ZFHX4: variants seen among roughly 807,000 people sequenced by gnomAD.
The protein encoded by ZFHX4 is zinc finger homeobox protein 4.
Under a neutral mutation model 267.6 loss-of-function variants are expected in ZFHX4, and 56 were observed. That is an observed-to-expected ratio of 0.21 (90% CI 0.17 to 0.26). The LOEUF (loss-of-function observed/expected upper bound fraction) is 0.26. ZFHX4 is among the 10% of genes least tolerant of loss of function. The pLI, the probability that ZFHX4 is intolerant of heterozygous loss-of-function variation, is 1.00. For missense variants in ZFHX4, 4,332 were observed against 4,420.0 expected, an observed-to-expected ratio of 0.98 and a Z score of 0.56; for synonymous variants, 1,778 against 1,665.6, an observed-to-expected ratio of 1.07 and a Z score of -1.64.
chr8:76,718,199 G>C (rs1808628774), intron 3 of ZFHX4, among the ~76,000 whole-genome samples: 1 of 152,142 alleles, frequency 6.6e-6, no homozygotes, highest in Non-Finnish European at 1.5e-5. Context: ...AAACCAAATA[G>C]TGTTTTTTTG....
intron 4 of ZFHX4, among the ~76,000 whole-genome samples, chr8:76,812,197 T>A (rs1811395367): frequency 1.3e-5 from 2 of 152,224 alleles, no homozygotes; most frequent in Non-Finnish European, 2.9e-5. Context: ...GGTATAAAAC[T>A]TTTCGTTGAT....
At position 76,704,896 on chromosome 8, in the gene ZFHX4, A is replaced by T; in HGVS notation, c.808A>T (p.Ser270Cys). The change falls in exon 2 of 11, where the codon AGC (serine) becomes TGC (cysteine). Residue 270 changes from serine to cysteine, a missense_variant. This residue lies in a region of ZFHX4 where 1,195 missense variants were observed against 1,173.6 expected (regional missense o/e 1.02). Transcript: ENST00000651372. ...CTTGTCCAAATTCGATGGTTGTGTT[A>T]GCGATGGGAAAAGGAAACCTGTTTT... Reference protein sequence around the residue: ...VDLSKFDGCVSDGKRKPVLMC... With the variant: ...VDLSKFDGCVCDGKRKPVLMC... 1 of 1,614,204 alleles carries T rather than the reference A, an allele frequency of 6.2e-7. No homozygotes were observed. Among genetic ancestry groups the T allele is most frequent in the Non-Finnish European group, 8.5e-7 (1 of 1,180,016 alleles).
rs528973907 is a variant in ZFHX4, at chr8:76,696,625, C to T, written c.-46-7418C>T. On this transcript the variant is annotated intron_variant, in intron 1 of 10. Coordinates refer to ENST00000651372, the MANE Select transcript of ZFHX4 (RefSeq NM_024721.5). ...CACTGATGGGCAGCAGTCAAATTTA[C>T]TTTCAGGCCAAAAAAAAAAAAAAAA... Among the ~76,000 whole-genome samples the T allele has an allele frequency of 2.3e-5, 3 of 133,272 alleles. No individual in the cohort carries two copies. In the East Asian group the frequency reaches 6.7e-4, roughly 30 times the overall value. The allele number at this position is 133,272 out of a possible 152,430, so 87.4% of individuals were successfully genotyped here. A position where few individuals can be genotyped will look rare whatever the true frequency, so the allele number is the denominator to read the frequency against.
intron 5 of ZFHX4, among the ~76,000 whole-genome samples, chr8:76,839,770 A>G (rs1182543881): frequency 6.6e-6 from 1 of 152,102 alleles, no homozygotes; most frequent in Non-Finnish European, 1.5e-5. Flanking sequence ...ATTTAGTTTT[A>G]TATATATATT....
intron 5 of ZFHX4, among the ~76,000 whole-genome samples, chr8:76,833,935 T>C (rs966616724): frequency 6.6e-6 from 1 of 152,180 alleles, no homozygotes. Flanking sequence ...CTTTATGGTC[T>C]CTATAGTTTG....
At chr8:76,754,377 T>C (rs1228841678) in intron 3 of ZFHX4, among the ~76,000 whole-genome samples, 3 of 151,960 alleles carry the variant, frequency 2.0e-5, no homozygotes, top group African/African-American at 4.8e-5. Context: ...TAATCCCAGA[T>C]ACGCGGGAGG....
intron 3 of ZFHX4, among the ~76,000 whole-genome samples, chr8:76,721,281 T>A (rs1416535826): frequency 6.6e-6 from 1 of 152,206 alleles, no homozygotes; most frequent in Non-Finnish European, 1.5e-5. Context: ...TTGAAAAACA[T>A]CTACAAACTG....
intron 1 of ZFHX4, among the ~76,000 whole-genome samples, chr8:76,702,628 A>T (rs759547676): frequency 6.6e-6 from 1 of 152,222 alleles, no homozygotes; most frequent in East Asian, 1.9e-4. Context: ...GTACATATTT[A>T]TCATAACCAA....
At position 76,704,207 on chromosome 8, in the gene ZFHX4, C is replaced by T. The variant is rs763780673; in HGVS notation, c.119C>T (p.Pro40Leu). Residue 40 changes from proline to leucine, a missense_variant, in exon 2 of 11, where the codon CCT (proline) becomes CTT (leucine). Physicochemically the swap from Pro to Leu is moderately conservative, Grantham distance 98. Coordinates refer to ENST00000651372, the MANE Select transcript of ZFHX4 (RefSeq NM_024721.5). ...EVPEKVAGME[P>L]DRENSSTDDN... ...CCAGAGAAAGTTGCAGGGATGGAGCCTGACAGGGAAAACAGCTCCACAGAT... is the reference window on the plus strand; with the variant it reads ...CCAGAGAAAGTTGCAGGGATGGAGCTTGACAGGGAAAACAGCTCCACAGAT... 6.2e-7 allele frequency: 1 copy of T among 1,613,934 alleles called. No individual in the cohort carries two copies. The highest frequency in any genetic ancestry group is 1.1e-5 in the South Asian group (1 of 91,074).
chr8:76,691,016 T>C (rs940243762), intron 1 of ZFHX4, among the ~76,000 whole-genome samples: 4 of 152,092 alleles, frequency 2.6e-5, no homozygotes, highest in Non-Finnish European at 4.4e-5. Flanking sequence ...TATCTTTGAT[T>C]ACCCAGCAAG....
intron 3 of ZFHX4, among the ~76,000 whole-genome samples, chr8:76,762,152 A>G (rs1050771634): frequency 6.6e-6 from 1 of 152,174 alleles, no homozygotes; most frequent in Non-Finnish European, 1.5e-5. Context: ...CACTAGTGCT[A>G]CAAAGAAAGT....
In ZFHX4 at chr8:76,855,705, T is replaced by A. The variant is rs1211081005; in HGVS notation, c.8784T>A (p.Gly2928=). 3 of 1,613,682 alleles carry A rather than the reference T, an allele frequency of 1.9e-6. No individual in the cohort carries two copies. The highest frequency in any genetic ancestry group is 2.5e-6 in the Non-Finnish European group (3 of 1,179,810). Residue 2928 remains glycine, a synonymous_variant, in exon 10 of 11, where the codon GGT becomes GGA. Transcript: ENST00000651372. ...PFKSKSNDRP[G]HKRFRTQMSN... ...AATCCAAAAGTAATGATCGGCCGGG[T>A]CACAAGCGTTTTCGAACGCAAATGA...
intron 4 of ZFHX4, among the ~76,000 whole-genome samples, chr8:76,799,643 C>T (rs1053736071): frequency 1.3e-5 from 2 of 152,326 alleles, no homozygotes; most frequent in South Asian, 2.1e-4. Flanking sequence ...CTCTCTCACA[C>T]ATACTCGAGT....
intron 4 of ZFHX4, among the ~76,000 whole-genome samples, chr8:76,791,450 G>C (rs1253134215): frequency 6.6e-6 from 1 of 152,054 alleles, no homozygotes; most frequent in Non-Finnish European, 1.5e-5. Flanking sequence ...GAAAACTTTT[G>C]ATAAATTCCC....
chr8:76,825,908 A>G (rs1004644675), intron 4 of ZFHX4, among the ~76,000 whole-genome samples: 2 of 152,216 alleles, frequency 1.3e-5, no homozygotes, highest in Non-Finnish European at 2.9e-5. Context: ...AGCTTCCAAG[A>G]ACCAAATAAT....
chr8:76,777,536 G>A (rs1445101989), intron 3 of ZFHX4, among the ~76,000 whole-genome samples: 1 of 152,150 alleles, frequency 6.6e-6, no homozygotes, highest in Admixed American at 6.6e-5. Flanking sequence ...GAAAATGTAA[G>A]TTTATTCCAT....
rs758487474 is a variant in ZFHX4 at position 76,855,528 on chromosome 8, A to G, written c.8607A>G (p.Thr2869=). The stretch of plus-strand genomic sequence containing the variant: ...ATGACAAATTTCTCTTTTCTCTCAC[A>G]AGCCCATCCATCCATTTCAATGACA... The part of the protein sequence containing the change: ...VCDDKFLFSL[T]SPSIHFNDKD... Residue 2869 remains threonine (T), a synonymous_variant, in exon 10 of 11, where the codon ACA becomes ACG. Coordinates refer to ENST00000651372, the MANE Select transcript of ZFHX4 (RefSeq NM_024721.5). The G allele has an allele frequency of 9.3e-6, 15 of 1,613,804 alleles. No individual in the cohort carries two copies. The highest frequency in any genetic ancestry group is 1.7e-5 in the Admixed American group (1 of 59,990).
At chr8:76,725,250 A>G (rs1808822345) in intron 3 of ZFHX4, among the ~76,000 whole-genome samples, 1 of 152,156 alleles carries the variant, frequency 6.6e-6, no homozygotes, top group Non-Finnish European at 1.5e-5. Context: ...CACAATGTAC[A>G]TTGTCATAAT....
chr8:76,796,085 T>C (rs1810973698), intron 4 of ZFHX4, among the ~76,000 whole-genome samples: 2 of 152,098 alleles, frequency 1.3e-5, no homozygotes. Flanking sequence ...TTGGGGATGG[T>C]TGTGGAATTG....
Sources: gnomAD v4.1 joint callset for allele counts (sites outside exome capture counted in the v4.1 genomes callset) on GRCh38, gnomAD v4.1.1 for gene constraint, gnomAD v4.1.1 regional missense constraint, MANE v1.5 for transcripts, NCBI Gene and HGNC (gene_info 2026-07-23, HGNC 2026-07-21) for gene names.